Variants in IFT80 observed in about 807,000 individuals in gnomAD.
The protein encoded by IFT80 is intraflagellar transport 80, also known as intraflagellar transport protein 80 homolog.
IFT80 carries 79 observed loss-of-function variants against 107.9 expected under a neutral mutation model. That is an observed-to-expected ratio of 0.73 (90% CI 0.61 to 0.88). The LOEUF is 0.88. Ranked by LOEUF, IFT80 falls within the 40% of genes least tolerant of loss-of-function variation. IFT80 has a pLI of 0.00. For missense variants in IFT80, 797 were observed against 914.2 expected, an observed-to-expected ratio of 0.87 and a Z score of 1.65; for synonymous variants, 299 against 300.9, an observed-to-expected ratio of 0.99 and a Z score of 0.07.
chr3:160,356,195 G>A, intron 7 of IFT80, 45 bp from the exon 8 acceptor site: 1 of 1,539,878 alleles, frequency 6.5e-7, no homozygotes. Flanking sequence ...TCAGGGAGAA[G>A]TTTGCAAAAA....
At position 160,282,512 on chromosome 3, in the gene IFT80, T is replaced by A. The variant is rs771946946; in HGVS notation, c.1482A>T (p.Lys494Asn). Residue 494 changes from lysine (K) to asparagine (N), a missense_variant, in exon 14 of 20, where the codon AAA becomes AAT. By Grantham distance (94) the Lys-to-Asn change is moderately conservative. Transcript: ENST00000326448. ...KNRDLCITSV[K>N]RFGKEEQIIK... ...TAATTTGTTCTTCCTTCCCAAATCG[T>A]TTCACAGAAGTGATACAGAGATCTC... 1 of 1,598,438 alleles carries A rather than the reference T, an allele frequency of 6.3e-7. No homozygotes were observed. The highest frequency in any genetic ancestry group is 1.7e-5 in the Admixed American group (1 of 59,346).
At chr3:160,333,876 A>G (rs1479928588) in intron 8 of IFT80, among the ~76,000 whole-genome samples, 1 of 152,230 alleles carries the variant, frequency 6.6e-6, no homozygotes, top group Admixed American at 6.5e-5. Context: ...ATCAAGAATT[A>G]TGTACTGTAC....
At chr3:160,354,835 G>A (rs905135493) in intron 8 of IFT80, among the ~76,000 whole-genome samples, 2 of 152,150 alleles carry the variant, frequency 1.3e-5, no homozygotes, top group Non-Finnish European at 2.9e-5. Flanking sequence ...TGGGGGAAAA[G>A]ACTCAATGGA....
chr3:160,379,970 C>A (rs893599373), intron 3 of IFT80, among the ~76,000 whole-genome samples: 1 of 151,916 alleles, frequency 6.6e-6, no homozygotes, highest in African/African-American at 2.4e-5. Context: ...TTCTCTTTCT[C>A]TTTTCCTTTG....
At chr3:160,289,273 C>G (rs1274797027) in intron 12 of IFT80, among the ~76,000 whole-genome samples, 1 of 151,994 alleles carries the variant, frequency 6.6e-6, no homozygotes, top group Non-Finnish European at 1.5e-5. Context: ...CTCATGGACA[C>G]AAAGAGGGAA....
intron 18 of IFT80, among the ~76,000 whole-genome samples, chr3:160,272,229 C>G (rs1419747682): frequency 1.3e-5 from 2 of 151,856 alleles, no homozygotes; most frequent in Admixed American, 1.3e-4. Flanking sequence ...TCAAACAAAC[C>G]ATAAAACAAA....
chr3:160,261,474 CG>C (rs1559906724), intron 19 of IFT80, among the ~76,000 whole-genome samples: 1 of 139,420 alleles, frequency 7.2e-6, no homozygotes, highest in Non-Finnish European at 1.6e-5. Context: ...ATGCCAGAAG[CG>C]GTAAAGATTT....
intron 8 of IFT80, among the ~76,000 whole-genome samples, chr3:160,340,352 T>A (rs1719807201): frequency 6.6e-6 from 1 of 152,128 alleles, no homozygotes; most frequent in African/African-American, 2.4e-5. Context: ...CTGTAACAAA[T>A]TACCACAAAT....
chr3:160,371,235 C>T (rs1471105721), intron 5 of IFT80, among the ~76,000 whole-genome samples: 1 of 152,124 alleles, frequency 6.6e-6, no homozygotes, highest in Admixed American at 6.6e-5. Flanking sequence ...AACAGCTTCA[C>T]TCCAATGCCA....
chr3:160,379,150 T>C (rs143592424), intron 3 of IFT80, among the ~76,000 whole-genome samples: 155 of 152,258 alleles, frequency 1.0e-3, no homozygotes, highest in African/African-American at 3.7e-3. Context: ...GCCCCGAGTA[T>C]TCCTGCTAAG....
chr3:160,366,298 A>G, intron 5 of IFT80, 146 bp from the exon 6 acceptor site: 1 of 650,638 alleles, frequency 1.5e-6, no homozygotes, highest in East Asian at 2.8e-5. Context: ...AAATTAGAGT[A>G]TATAGTCTGA....
At chr3:160,336,565 C>T (rs953519297) in intron 8 of IFT80, among the ~76,000 whole-genome samples, 2 of 151,586 alleles carry the variant, frequency 1.3e-5, no homozygotes, top group Non-Finnish European at 2.9e-5. Flanking sequence ...TTGTTTTATC[C>T]TCACATCTTT....
intron 16 of IFT80, among the ~76,000 whole-genome samples, chr3:160,278,279 T>C (rs906155915): frequency 3.3e-5 from 5 of 152,196 alleles, no homozygotes; most frequent in African/African-American, 1.2e-4. Flanking sequence ...AAACAGCAGC[T>C]CCATCTTCTC....
chr3:160,351,626 T>C (rs1265762452), intron 8 of IFT80, among the ~76,000 whole-genome samples: 1 of 147,578 alleles, frequency 6.8e-6, no homozygotes, highest in Non-Finnish European at 1.5e-5. Flanking sequence ...ATATATATAG[T>C]ATATATAGAC....
chr3:160,294,158 C>T (rs1715793547), intron 12 of IFT80, among the ~76,000 whole-genome samples: 1 of 152,144 alleles, frequency 6.6e-6, no homozygotes, highest in African/African-American at 2.4e-5. Context: ...GAACCCCCAC[C>T]CCCACAAAAC....
chr3:160,281,524 A>C (rs1461878747), intron 14 of IFT80, among the ~76,000 whole-genome samples: 1 of 152,196 alleles, frequency 6.6e-6, no homozygotes, highest in East Asian at 1.9e-4. Context: ...GGCTGTTGTT[A>C]AGCTGTCTCT....
At chr3:160,343,735 G>T in intron 8 of IFT80, 1 of 285,404 alleles carries the variant, frequency 3.5e-6, no homozygotes, top group Non-Finnish European at 7.0e-6. Context: ...CCTTCGCCCA[G>T]CTTAATTTTT....
rs534433335 is a variant in IFT80 at position 160,395,016 on chromosome 3, T to C, written c.-47+4130A>G. On this transcript the variant is annotated intron_variant, in intron 1 of 19. Coordinates refer to ENST00000326448, the MANE Select transcript of IFT80 (RefSeq NM_020800.3). ...GAAAGCTTTAAATTCTAATTTTATA[T>C]GTTTCTGTTCTGTTTGAAGTTTTCA... Among the ~76,000 whole-genome samples, 403 of 152,328 alleles carry C rather than the reference T, an allele frequency of 2.6e-3. 1 individual carries two copies. Among genetic ancestry groups the C allele is most frequent in the Non-Finnish European group, 4.5e-3 (306 of 68,030 alleles).
At chr3:160,370,561 A>AT (rs57227757) in intron 5 of IFT80, among the ~76,000 whole-genome samples, 18,780 of 151,382 alleles carry the variant, frequency 0.12, 1,920 homozygotes, top group African/African-American at 0.28. Context: ...AAATAAAGGC[A>AT]TTTTTTTTTA....
Sources: allele counts gnomAD v4.1 joint callset (sites outside exome capture counted in the v4.1 genomes callset), GRCh38; gene constraint gnomAD v4.1.1; transcripts MANE v1.5; gene names NCBI Gene and HGNC (gene_info 2026-07-23, HGNC 2026-07-21).